Variants in PAK1IP1 observed in about 807,000 individuals in gnomAD.
The protein encoded by PAK1IP1 is p21-activated protein kinase-interacting protein 1.
A neutral mutation model predicts 42.0 loss-of-function variants in PAK1IP1; 24 were observed. That is an observed-to-expected ratio of 0.57 (90% CI 0.41 to 0.80). The LOEUF (loss-of-function observed/expected upper bound fraction) is 0.80. Among genes scored for constraint, PAK1IP1 ranks in the 30% least tolerant of loss-of-function variants. PAK1IP1 has a pLI of 0.00. For missense variants in PAK1IP1, 411 were observed against 467.9 expected, an observed-to-expected ratio of 0.88 and a Z score of 1.12; for synonymous variants, 154 against 156.7, an observed-to-expected ratio of 0.98 and a Z score of 0.13.
chr6:10,708,968 T>A lies in PAK1IP1; in HGVS notation c.856T>A (p.Leu286Ile), dbSNP rs1331616971. The A allele has an allele frequency of 6.2e-7, 1 of 1,610,478 alleles. No homozygotes were observed. Among genetic ancestry groups the A allele is most frequent in the Non-Finnish European group, 8.5e-7 (1 of 1,177,740 alleles). ...LKQDKKVPPS[L>I]LCEINTNARL... Reference sequence around the variant, plus strand: ...TTCTGTTTAGAAAGTTCCCCCATCTTTACTCTGTGAAATAAACACTAATGC... The same window carrying A: ...TTCTGTTTAGAAAGTTCCCCCATCTATACTCTGTGAAATAAACACTAATGC... Residue 286 changes from leucine (L) to isoleucine (I), a missense_variant, in exon 9 of 10, where the codon TTA becomes ATA. Coordinates refer to ENST00000379568, the MANE Select transcript of PAK1IP1 (RefSeq NM_017906.3).
Position 10,708,933 on chromosome 6 carries a change from T to C in PAK1IP1, c.841-20T>C, listed in dbSNP as rs1170412614. The C allele has an allele frequency of 6.3e-7, 1 of 1,575,074 alleles. No individual in the cohort carries two copies. On this transcript the variant is annotated intron_variant, in intron 8 of 9. Transcript: ENST00000379568. The stretch of plus-strand genomic sequence containing the variant: ...AATTATTGAAAATGCACATTATGAA[T>C]GTTTGTTTCTTCTGTTTAGAAAGTT...
At chr6:10,693,698 A>G (rs1769562266), upstream of PAK1IP1, among the ~76,000 whole-genome samples, 1 of 152,316 alleles carries the variant, frequency 6.6e-6, no homozygotes, top group South Asian at 2.1e-4. Flanking sequence ...GTAATGTCTA[A>G]GACATACCTG....
At chr6:10,702,962 A>G (rs893346924) in intron 4 of PAK1IP1, among the ~76,000 whole-genome samples, 2 of 151,764 alleles carry the variant, frequency 1.3e-5, no homozygotes, top group African/African-American at 2.4e-5. Context: ...GCCCACCACC[A>G]CGCCCGGCTA....
chr6:10,694,052 G>T (rs969582636), upstream of PAK1IP1, among the ~76,000 whole-genome samples: 1 of 152,082 alleles, frequency 6.6e-6, no homozygotes, highest in Non-Finnish European at 1.5e-5. Flanking sequence ...CTGCGGTCGG[G>T]AGTTCAAAAC....
At chr6:10,704,356 C>A (rs1322435507) in intron 5 of PAK1IP1, 151 bp from the exon 6 acceptor site, 1 of 592,604 alleles carries the variant, frequency 1.7e-6, no homozygotes, top group Non-Finnish European at 2.9e-6. Context: ...AGATTATTTT[C>A]TAAAAAACTT....
At chr6:10,694,588 TACAGCCCCTAAGCAACC>T, upstream of PAK1IP1, 1 of 176,914 alleles carries the variant, frequency 5.7e-6, no homozygotes. Context: ...CTGCCGGCGC[TACAGCCCCTAAGCAACC>T]GGCCGGAAGT....
intron 2 of PAK1IP1, 81 bp from the exon 3 acceptor site, chr6:10,702,288 A>T (rs1306915794): frequency 8.6e-7 from 1 of 1,157,076 alleles, no homozygotes; most frequent in Admixed American, 2.1e-5. Flanking sequence ...TGTTTTACTT[A>T]GCATAGCATA....
At chr6:10,701,546 C>G (rs151196059) in intron 2 of PAK1IP1, among the ~76,000 whole-genome samples, 1 of 152,062 alleles carries the variant, frequency 6.6e-6, no homozygotes, top group Non-Finnish European at 1.5e-5. Flanking sequence ...ATGTGGGAAA[C>G]CAAACTTTCC....
upstream of PAK1IP1, among the ~76,000 whole-genome samples, chr6:10,693,607 T>C (rs1769552895): frequency 6.6e-6 from 1 of 152,260 alleles, no homozygotes; most frequent in Non-Finnish European, 1.5e-5. Flanking sequence ...CTATGCATCT[T>C]GTTTACCAAA....
intron 1 of PAK1IP1, 103 bp downstream of exon 1, chr6:10,695,172 G>A: frequency 1.4e-6 from 1 of 698,556 alleles, no homozygotes. Context: ...CTGTTCACTG[G>A]ATGATTTGAT....
rs139501671 is a variant in PAK1IP1, at chr6:10,704,029, A to G, written c.497-478A>G. ...TATTTTATTTTATATTTTTTATTTT[A>G]TTTTATTTTTTGAGATGGAGTCTCG... On this transcript the variant is annotated intron_variant, in intron 5 of 9. Transcript: ENST00000379568. Among the ~76,000 whole-genome samples, 1,390 of 150,516 alleles carry G rather than the reference A, an allele frequency of 9.2e-3. 14 individuals are homozygous for G. Among genetic ancestry groups the G allele is most frequent in the African/African-American group, 0.032 (1,313 of 41,012 alleles).
At chr6:10,709,180 T>C in intron 9 of PAK1IP1, 58 bp from the exon 10 acceptor site, 1 of 1,526,582 alleles carries the variant, frequency 6.6e-7, no homozygotes, top group Non-Finnish European at 9.0e-7. Context: ...AGCTTGTGTT[T>C]ATTTCATTCA....
intron 7 of PAK1IP1, among the ~76,000 whole-genome samples, chr6:10,706,594 A>G (rs1440190517): frequency 6.6e-6 from 1 of 152,088 alleles, no homozygotes; most frequent in Non-Finnish European, 1.5e-5. Context: ...TACATTTTTA[A>G]AAATTTCTGG....
upstream of PAK1IP1, among the ~76,000 whole-genome samples, chr6:10,693,764 C>T (rs114431039): frequency 0.016 from 2,444 of 152,176 alleles, 51 homozygotes; most frequent in African/African-American, 0.045. Flanking sequence ...GGGCCTGGCT[C>T]GTCCCCCAGA....
Position 10,704,475 on chromosome 6 carries a change from A to C in PAK1IP1, c.497-32A>C, listed in dbSNP as rs771014003. The C allele has an allele frequency of 4.4e-6, 6 of 1,368,582 alleles. No homozygotes were observed. In the African/African-American group the frequency reaches 5.9e-5, roughly 13 times the overall value. 84.8% of individuals were successfully genotyped at this position (1,368,582 alleles called of 1,614,324 possible). A position where few individuals can be genotyped will look rare whatever the true frequency, so the allele number is the denominator to read the frequency against. On this transcript the variant is annotated intron_variant, in intron 5 of 9. Transcript: ENST00000379568. ...TGATCATTTTATGTTTTATTTACAA[A>C]ATAAATAAACTTCGTTTTTTTCCAC...
chr6:10,703,165 T>C (rs1240776650), intron 4 of PAK1IP1, among the ~76,000 whole-genome samples: 1 of 152,146 alleles, frequency 6.6e-6, no homozygotes, highest in Admixed American at 6.5e-5. Context: ...GAATTGAAGA[T>C]TTTAGAAAGG....
chr6:10,707,286 C>T (rs1770232869), intron 7 of PAK1IP1, 129 bp from the exon 8 acceptor site: 1 of 649,908 alleles, frequency 1.5e-6, no homozygotes, highest in African/African-American at 1.8e-5. Context: ...TATTTTAAGG[C>T]ACCATTCATT....
At chr6:10,703,770 G>A (rs1303659236) in intron 5 of PAK1IP1, among the ~76,000 whole-genome samples, 1 of 152,104 alleles carries the variant, frequency 6.6e-6, no homozygotes, top group African/African-American at 2.4e-5. Flanking sequence ...ATCCAAAATC[G>A]TTCTGGTCCC....
chr6:10,693,911 T>C (rs918404578), upstream of PAK1IP1, among the ~76,000 whole-genome samples: 2 of 152,126 alleles, frequency 1.3e-5, no homozygotes, highest in Non-Finnish European at 2.9e-5. Flanking sequence ...AACATTTTTG[T>C]AGAGACGGCA....
Sources: gnomAD v4.1 joint callset for allele counts (sites outside exome capture counted in the v4.1 genomes callset) on GRCh38, gnomAD v4.1.1 for gene constraint, MANE v1.5 for transcripts, NCBI Gene and HGNC (gene_info 2026-07-23, HGNC 2026-07-21) for gene names.